Variants in CAMLG observed in about 807,000 individuals in gnomAD.
CAMLG encodes guided entry of tail-anchored proteins factor CAMLG.
CAMLG carries 23 observed loss-of-function variants against 28.9 expected under a neutral mutation model. The observed-to-expected ratio is 0.80, with a 90% CI of 0.57 to 1.13. CAMLG has a LOEUF of 1.13. Ranked by LOEUF, CAMLG falls within the 50% of genes most tolerant of loss-of-function variation. CAMLG has a pLI of 0.00. For missense variants in CAMLG, 367 were observed against 371.9 expected, an observed-to-expected ratio of 0.99 and a Z score of 0.11; for synonymous variants, 141 against 146.5, an observed-to-expected ratio of 0.96 and a Z score of 0.27.
intron 1 of CAMLG, among the ~76,000 whole-genome samples, chr5:134,740,071 G>A (rs535512182): frequency 2.7e-5 from 4 of 149,196 alleles, no homozygotes; most frequent in Admixed American, 2.7e-4. Flanking sequence ...GTGTGGAGAT[G>A]GGGGGGTCTC....
Position 134,741,261 on chromosome 5 carries a change from G to A in CAMLG, c.371G>A (p.Ser124Asn). Reference sequence around the variant, plus strand: ...TCGTTCATTAAACCACCTGAGTGCAGTAGTGATGTCAACCTTGAGCTCCGG... The same window carrying A: ...TCGTTCATTAAACCACCTGAGTGCAATAGTGATGTCAACCTTGAGCTCCGG... Reference protein sequence around the residue: ...LDSFIKPPECSSDVNLELRQR... With the variant: ...LDSFIKPPECNSDVNLELRQR... The change falls in exon 2 of 4, where the codon AGT becomes AAT. Residue 124 changes from serine to asparagine, a missense_variant. Physicochemically the swap from Ser to Asn is conservative, Grantham distance 46. Transcript: ENST00000297156. 6.2e-7 allele frequency: 1 copy of A among 1,614,190 alleles called. No homozygotes were observed. The highest frequency in any genetic ancestry group is 8.5e-7 in the Non-Finnish European group (1 of 1,180,024).
At chr5:134,748,141 G>A (rs996953571) in intron 3 of CAMLG, among the ~76,000 whole-genome samples, 22 of 152,008 alleles carry the variant, frequency 1.4e-4, no homozygotes, top group African/African-American at 4.8e-4. Context: ...GAATTAGCTG[G>A]TCTCTGGTCT....
chr5:134,747,043 G>A (rs1020178822), intron 3 of CAMLG, among the ~76,000 whole-genome samples: 1 of 152,008 alleles, frequency 6.6e-6, no homozygotes, highest in African/African-American at 2.4e-5. Context: ...CCAAGACAGC[G>A]CCACTGCACT....
chr5:134,751,126 G>A lies in CAMLG; in HGVS notation c.*176G>A. 3.7e-6 allele frequency: 2 copies of A among 534,818 alleles called. No homozygotes were observed. Among genetic ancestry groups the A allele is most frequent in the Non-Finnish European group, 6.6e-6 (2 of 302,444 alleles). The allele number at this position is 534,818 out of a possible 1,614,324, so 33.1% of individuals were successfully genotyped here. A position where few individuals can be genotyped will look rare whatever the true frequency, so the allele number is the denominator to read the frequency against. On this transcript the variant is annotated 3_prime_UTR_variant, in exon 4 of 4. Transcript: ENST00000297156. ...AGATTCTCTGATTTAAAAGGGCTGA[G>A]TTTGTATTATTACTGATATGAAGAA...
chr5:134,743,607 C>T (rs962591881), intron 2 of CAMLG, among the ~76,000 whole-genome samples: 2 of 150,832 alleles, frequency 1.3e-5, no homozygotes, highest in African/African-American at 4.9e-5. Context: ...GTGTCTCATA[C>T]CTGTAATCCC....
In CAMLG at chr5:134,741,344, C is replaced by CT; in HGVS notation, c.455dup (p.Glu153ArgfsTer19). 1 of 1,614,180 alleles carries CT rather than the reference C, an allele frequency of 6.2e-7. No individual in the cohort carries two copies. Among genetic ancestry groups the CT allele is most frequent in the Non-Finnish European group, 8.5e-7 (1 of 1,180,036 alleles). On this transcript the variant is annotated frameshift_variant, in exon 2 of 4. Transcript: ENST00000297156. LOFTEE classifies it high-confidence loss of function. ...GGTCCAGAGGGGTTCCCGCCATGGC[C>CT]TAGAGCAGTACCTTTCCAGATTCGA...
chr5:134,741,122 G>A lies in CAMLG; in HGVS notation c.232G>A (p.Val78Ile), dbSNP rs12657663. Residue 78 changes from valine to isoleucine, a missense_variant, in exon 2 of 4, where the codon GTT becomes ATT. Physicochemically the swap from Val to Ile is conservative, Grantham distance 29 (BLOSUM62 3). Coordinates refer to ENST00000297156, the MANE Select transcript of CAMLG (RefSeq NM_001745.4). ...CAGTGATAAACTGAACTCCCTCAGC[G>A]TTCCTTCCGTTTCAAAGCGAGTAGT... ...QDSDKLNSLS[V>I]PSVSKRVVLG... 0.11 allele frequency: 182,944 copies of A among 1,613,680 alleles called. 12,793 individuals carry two copies. The highest frequency in any genetic ancestry group is 0.3 in the East Asian group (13,498 of 44,872).
intron 3 of CAMLG, among the ~76,000 whole-genome samples, chr5:134,748,584 A>G (rs1753077811): frequency 6.6e-6 from 1 of 152,174 alleles, no homozygotes; most frequent in South Asian, 2.1e-4. Flanking sequence ...TACCAGCGTA[A>G]TTAATTGATT....
intron 1 of CAMLG, among the ~76,000 whole-genome samples, chr5:134,739,350 C>T (rs990092066): frequency 6.6e-5 from 10 of 152,164 alleles, no homozygotes; most frequent in Non-Finnish European, 1.5e-4. Context: ...GTGCCGTCAA[C>T]ACTGTCACCT....
At chr5:134,749,244 A>G (rs1174977550) in intron 3 of CAMLG, among the ~76,000 whole-genome samples, 1 of 151,610 alleles carries the variant, frequency 6.6e-6, no homozygotes, top group Non-Finnish European at 1.5e-5. Context: ...ATTTTTTTGT[A>G]TTTTTAGTAG....
intron 3 of CAMLG, among the ~76,000 whole-genome samples, chr5:134,745,159 G>A (rs747479980): frequency 1.5e-4 from 23 of 151,204 alleles, no homozygotes; most frequent in South Asian, 2.1e-4. Context: ...CCTTTGAGGC[G>A]GGGCGCGGTG....
chr5:134,746,374 TA>T (rs1753049743), intron 3 of CAMLG, among the ~76,000 whole-genome samples: 1 of 152,136 alleles, frequency 6.6e-6, no homozygotes, highest in Non-Finnish European at 1.5e-5. Context: ...TAACAATACT[TA>T]TGTGTGTGAT....
chr5:134,738,732 A>T lies in CAMLG; in HGVS notation c.112A>T (p.Met38Leu), dbSNP rs563884241. 1.2e-6 allele frequency: 2 copies of T among 1,614,102 alleles called. No individual in the cohort carries two copies. Among genetic ancestry groups the T allele is most frequent in the Admixed American group, 1.7e-5 (1 of 60,026 alleles). The change falls in exon 1 of 4, where the codon ATG (methionine) becomes TTG (leucine). Residue 38 changes from methionine (M) to leucine (L), a missense_variant. Physicochemically the swap from Met to Leu is conservative, Grantham distance 15 (BLOSUM62 2). Transcript: ENST00000297156. The part of the protein sequence containing the change: ...RAELRRRKLL[M>L]NSEQRINRIM... ...GGAGCTGCGTCGGAGAAAGCTGCTC[A>T]TGAACTCGGAACAGCGCATCAACCG... is the stretch of plus-strand genomic sequence containing the variant.
At chr5:134,741,918 C>A (rs996180906) in intron 2 of CAMLG, among the ~76,000 whole-genome samples, 1 of 152,012 alleles carries the variant, frequency 6.6e-6, no homozygotes, top group Non-Finnish European at 1.5e-5. Flanking sequence ...TGCACTCCAG[C>A]CTGGGTGACA....
At chr5:134,750,624 T>TA in intron 3 of CAMLG, 135 bp from the exon 4 acceptor site, 1 of 597,454 alleles carries the variant, frequency 1.7e-6, no homozygotes. Context: ...GTTGGTATCT[T>TA]ACTGATTGTT....
At chr5:134,740,349 T>G (rs1221809517) in intron 1 of CAMLG, among the ~76,000 whole-genome samples, 2 of 152,154 alleles carry the variant, frequency 1.3e-5, no homozygotes, top group Admixed American at 6.6e-5. Flanking sequence ...AATTTTAAAA[T>G]ATAGATTTTA....
At chr5:134,741,851 C>A (rs2150120974) in intron 2 of CAMLG, among the ~76,000 whole-genome samples, 1 of 152,244 alleles carries the variant, frequency 6.6e-6, no homozygotes, top group East Asian at 1.9e-4. Context: ...GAGGCTGAGG[C>A]AGGAGAATCG....
rs370682989 is a variant in CAMLG, at chr5:134,738,700, G to T, written c.80G>T (p.Arg27Leu). 1.2e-6 allele frequency: 2 copies of T among 1,613,764 alleles called. No individual in the cohort carries two copies. Among genetic ancestry groups the T allele is most frequent in the Non-Finnish European group, 1.7e-6 (2 of 1,179,920 alleles). Residue 27 changes from arginine to leucine, a missense_variant, in exon 1 of 4, where the codon CGT becomes CTT. Arg to Leu is a moderately radical substitution (Grantham distance 102). Coordinates refer to ENST00000297156, the MANE Select transcript of CAMLG (RefSeq NM_001745.4). ...PAGSGLSASQ[R>L]RAELRRRKLL... ...GGCTCAGGTCTGTCGGCTTCCCAGC[G>T]TCGGGCGGAGCTGCGTCGGAGAAAG...
In CAMLG at chr5:134,751,546, A is replaced by G. The variant is rs1753113788; in HGVS notation, c.*596A>G. ...CAAACTCAGAATTGGAACTTTTTAC[A>G]TTTGAGTTTCACTTTTTAGAAGTAT... On this transcript the variant is annotated 3_prime_UTR_variant, in exon 4 of 4. Transcript: ENST00000297156. The G allele has an allele frequency of 6.6e-6, 1 of 152,206 alleles. No individual in the cohort carries two copies. The highest frequency in any genetic ancestry group is 1.5e-5 in the Non-Finnish European group (1 of 68,044). 9.4% of individuals were successfully genotyped at this position (152,206 alleles called of 1,614,324 possible).
Sources: gnomAD v4.1 joint callset for allele counts (sites outside exome capture counted in the v4.1 genomes callset) on GRCh38, gnomAD v4.1.1 for gene constraint, MANE v1.5 for transcripts, NCBI Gene and HGNC (gene_info 2026-07-23, HGNC 2026-07-21) for gene names.